EYA1: variants seen among roughly 807,000 people sequenced by gnomAD.
EYA1 encodes the protein EYA transcriptional coactivator and phosphatase 1.
In EYA1, 16 loss-of-function variants were observed where a neutral mutation model predicts 82.0. The ratio of observed to expected loss-of-function variants is 0.20; its 90% CI spans 0.13 to 0.30. The LOEUF is 0.30. Among genes scored for constraint, EYA1 ranks in the 10% least tolerant of loss-of-function variants. The probability of loss-of-function intolerance (pLI) is 1.00; values close to 1 mark genes in which losing one functional copy is unlikely to be tolerated. For missense variants in EYA1, 633 were observed against 730.7 expected, an observed-to-expected ratio of 0.87 and a Z score of 1.54; for synonymous variants, 261 against 264.4, an observed-to-expected ratio of 0.99 and a Z score of 0.12.
rs59109921 is a variant in EYA1, at chr8:71,376,678, A to G, written c.34-20167T>C. Among the ~76,000 whole-genome samples, 322 of 152,316 alleles carry G rather than the reference A, an allele frequency of 2.1e-3. 2 individuals are homozygous for G. The highest frequency in any genetic ancestry group is 7.3e-3 in the African/African-American group (304 of 41,570). On this transcript the variant is annotated intron_variant, in intron 2 of 18. Transcript: ENST00000643681. ...TTGAATGTGGGTTTCAGGCAAAGAA[A>G]GAAACTAAGGATGACTGCAGTCTCT... is the stretch of plus-strand genomic sequence containing the variant.
At chr8:71,281,212 G>A (rs528147526) in intron 9 of EYA1, among the ~76,000 whole-genome samples, 7 of 152,276 alleles carry the variant, frequency 4.6e-5, no homozygotes, top group South Asian at 4.1e-4. Flanking sequence ...GGGAATGAAT[G>A]GGGAGGTTTT....
At chr8:71,466,460 T>C (rs1247119703) in intron 2 of EYA1, among the ~76,000 whole-genome samples, 2 of 152,194 alleles carry the variant, frequency 1.3e-5, no homozygotes, top group Non-Finnish European at 2.9e-5. Flanking sequence ...GTATTGTGCA[T>C]GCATATAGTA....
intron 4 of EYA1, chr8:71,322,506 C>T (rs1265097277): frequency 1.1e-5 from 6 of 521,886 alleles, no homozygotes; most frequent in East Asian, 3.4e-5. Flanking sequence ...TCTTAGAAAA[C>T]GTCATCACAA....
chr8:71,532,427 A>G lies in EYA1; in HGVS notation c.33+3317T>C, dbSNP rs138794188. 7.0e-4 allele frequency among the ~76,000 whole-genome samples: 107 copies of G among 152,338 alleles called. No individual in the cohort carries two copies. In the South Asian group the frequency reaches 0.011, roughly 15 times the overall value. ...AGCTGAAAGAAAGACATGAAGAGGC[A>G]TCGCCACCTTCTCTTTTGATCTTGT... On this transcript the variant is annotated intron_variant, in intron 2 of 18. Transcript: ENST00000643681.
rs774240356 is a variant in EYA1, at chr8:71,484,003, C to A, written c.33+51741G>T. Among the ~76,000 whole-genome samples the A allele has an allele frequency of 2.8e-4, 42 of 152,194 alleles. 1 individual carries two copies. The highest frequency in any genetic ancestry group is 1.2e-4 in the Non-Finnish European group (8 of 68,040). The stretch of plus-strand genomic sequence containing the variant: ...CGGTGTTCTTGTATTTCTGGGACTT[C>A]TCAGGGGCTTTCACAGACCTGCACA... On this transcript the variant is annotated intron_variant, in intron 2 of 18. Coordinates refer to the EYA1 transcript ENST00000643681.
intron 2 of EYA1, among the ~76,000 whole-genome samples, chr8:71,473,541 C>G (rs1254164088): frequency 6.6e-6 from 1 of 152,084 alleles, no homozygotes; most frequent in Admixed American, 6.5e-5. Flanking sequence ...ATTAAAAAGT[C>G]AGGAAACAAC....
Position 71,394,127 on chromosome 8 carries a change from T to G in EYA1, c.34-37616A>C, listed in dbSNP as rs190114990. Among the ~76,000 whole-genome samples, 400 of 152,348 alleles carry G rather than the reference T, an allele frequency of 2.6e-3. 1 individual carries two copies. The highest frequency in any genetic ancestry group is 6.8e-3 in the Middle Eastern group (2 of 294). ...CTGTTCCTATCCTTCACTCACTTTT[T>G]GATGGGGTTGTTTGATTTTTTTCTT... is the stretch of plus-strand genomic sequence containing the variant. On this transcript the variant is annotated intron_variant, in intron 2 of 18. Coordinates refer to the EYA1 transcript ENST00000643681.
chr8:71,467,592 T>A (rs1233932387), intron 2 of EYA1, among the ~76,000 whole-genome samples: 3 of 152,168 alleles, frequency 2.0e-5, no homozygotes, highest in African/African-American at 7.2e-5. Context: ...TATTTTGTAA[T>A]TAATTTTGAG....
At chr8:71,366,158 A>T (rs982881426), upstream of EYA1, among the ~76,000 whole-genome samples, 14 of 150,172 alleles carry the variant, frequency 9.3e-5, no homozygotes, top group Admixed American at 2.7e-4. Context: ...ATTTTTTTTT[A>T]AATTATTATT....
At chr8:71,520,586 G>T (rs1813326152) in intron 2 of EYA1, among the ~76,000 whole-genome samples, 1 of 152,104 alleles carries the variant, frequency 6.6e-6, no homozygotes, top group Non-Finnish European at 1.5e-5. Flanking sequence ...CACTTTAGGA[G>T]ATACTTGTAT....
At chr8:71,458,184 A>G (rs970445387) in intron 2 of EYA1, among the ~76,000 whole-genome samples, 100 of 152,198 alleles carry the variant, frequency 6.6e-4, no homozygotes, top group Non-Finnish European at 2.5e-4. Flanking sequence ...CTGGTTGTAC[A>G]TGGAGTCACC....
At chr8:71,368,678 G>A (rs1827901810) in intron 2 of EYA1, among the ~76,000 whole-genome samples, 1 of 151,922 alleles carries the variant, frequency 6.6e-6, no homozygotes, top group African/African-American at 2.4e-5. Context: ...TACCTCTTTT[G>A]GGAGAAAATT....
chr8:71,488,533 C>T (rs1451348531), intron 2 of EYA1, among the ~76,000 whole-genome samples: 2 of 152,108 alleles, frequency 1.3e-5, no homozygotes, highest in African/African-American at 4.8e-5. Context: ...AGAAGCACAG[C>T]CGATCAGTCG....
chr8:71,517,346 G>T (rs1397579359), intron 2 of EYA1, among the ~76,000 whole-genome samples: 1 of 151,806 alleles, frequency 6.6e-6, no homozygotes, highest in Non-Finnish European at 1.5e-5. Context: ...AACATATCAT[G>T]ATGAATTCTT....
chr8:71,226,823 T>C (rs1180298038), intron 12 of EYA1, among the ~76,000 whole-genome samples: 3 of 151,878 alleles, frequency 2.0e-5, no homozygotes, highest in African/African-American at 7.2e-5. Context: ...AGTTATGTTT[T>C]ATGCAATAGT....
intron 9 of EYA1, among the ~76,000 whole-genome samples, chr8:71,280,922 A>T (rs747134): frequency 0.1 from 15,158 of 148,916 alleles, 904 homozygotes; most frequent in South Asian, 0.21. Context: ...CTAATTTTTA[A>T]ATTTTTTGTA....
chr8:71,348,674 C>T (rs997078918), intron 3 of EYA1, among the ~76,000 whole-genome samples: 3 of 152,164 alleles, frequency 2.0e-5, no homozygotes, highest in East Asian at 1.9e-4. Context: ...AAGGCTCACA[C>T]GGGCCACCCC....
At chr8:71,380,028 C>T (rs965524200) in intron 2 of EYA1, among the ~76,000 whole-genome samples, 3 of 152,146 alleles carry the variant, frequency 2.0e-5, no homozygotes, top group African/African-American at 4.8e-5. Context: ...CGGCACCTGC[C>T]GCTGAAGGTT....
chr8:71,459,948 T>C (rs1053214079), intron 2 of EYA1, among the ~76,000 whole-genome samples: 3 of 152,198 alleles, frequency 2.0e-5, no homozygotes, highest in African/African-American at 7.2e-5. Context: ...CAGAAAAATA[T>C]CTCTCCTAAG....
Sources: allele counts gnomAD v4.1 joint callset (sites outside exome capture counted in the v4.1 genomes callset), GRCh38; gene constraint gnomAD v4.1.1; transcripts MANE v1.5; gene names NCBI Gene and HGNC (gene_info 2026-07-23, HGNC 2026-07-21).